The following DAB1 variants were observed in gnomAD, a reference collection of about 807,000 sequenced individuals.
The protein encoded by DAB1 is DAB adaptor protein 1, also known as disabled homolog 1.
A neutral mutation model predicts 64.6 loss-of-function variants in DAB1; 15 were observed. The observed-to-expected ratio is 0.23, with a 90% CI of 0.16 to 0.36. DAB1 has a LOEUF of 0.36. Among genes scored for constraint, DAB1 ranks in the 10% least tolerant of loss-of-function variants. The pLI is 1.00. For synonymous variants in DAB1, 235 were observed against 251.9 expected (o/e 0.93, Z 0.64); for missense variants, 596 against 706.7 (o/e 0.84, Z 1.78).
intron 3 of DAB1, among the ~76,000 whole-genome samples, chr1:58,432,860 T>C (rs1053653205): frequency 6.6e-6 from 1 of 152,336 alleles, no homozygotes; most frequent in South Asian, 2.1e-4. Flanking sequence ...CAGGGCTCCA[T>C]GGCTGGAGTT....
intron 1 of DAB1, among the ~76,000 whole-genome samples, chr1:57,398,473 G>T (rs1054179399): frequency 3.3e-5 from 5 of 152,138 alleles, no homozygotes; most frequent in African/African-American, 4.8e-5. Context: ...TGATGCCAGA[G>T]ACTTAATTGT....
At chr1:57,959,521 C>T (rs566884326) in intron 5 of DAB1, among the ~76,000 whole-genome samples, 1 of 152,318 alleles carries the variant, frequency 6.6e-6, no homozygotes, top group South Asian at 2.1e-4. Flanking sequence ...TAGATGAGAA[C>T]ATTGAGGCTT....
At chr1:57,382,871 CT>C (rs1394496901) in intron 1 of DAB1, among the ~76,000 whole-genome samples, 3 of 152,062 alleles carry the variant, frequency 2.0e-5, no homozygotes, top group African/African-American at 7.2e-5. Flanking sequence ...GGCATGACAT[CT>C]TTGGGGGCCA....
At chr1:57,879,935 A>G (rs906316717) in intron 1 of DAB1, among the ~76,000 whole-genome samples, 1 of 152,184 alleles carries the variant, frequency 6.6e-6, no homozygotes, top group African/African-American at 2.4e-5. Context: ...GAGTTTCCCA[A>G]CACAGTCATT....
At chr1:57,025,221 G>A (rs1250698227) in intron 10 of DAB1, among the ~76,000 whole-genome samples, 3 of 152,210 alleles carry the variant, frequency 2.0e-5, no homozygotes, top group Non-Finnish European at 4.4e-5. Context: ...TGCAGTGGTG[G>A]CAGAATTGCT....
chr1:57,169,311 C>G (rs1661506805), intron 2 of DAB1, among the ~76,000 whole-genome samples: 1 of 152,132 alleles, frequency 6.6e-6, no homozygotes, highest in African/African-American at 2.4e-5. Context: ...AGAACACTTG[C>G]AAGGGCCAGG....
chr1:58,388,979 G>C (rs1471156375), intron 3 of DAB1, among the ~76,000 whole-genome samples: 1 of 152,222 alleles, frequency 6.6e-6, no homozygotes, highest in Non-Finnish European at 1.5e-5. Context: ...GAATGAAAAA[G>C]ACATGGTGCA....
At chr1:58,040,494 G>A (rs1395651016) in intron 5 of DAB1, among the ~76,000 whole-genome samples, 1 of 152,080 alleles carries the variant, frequency 6.6e-6, no homozygotes, top group Non-Finnish European at 1.5e-5. Context: ...TCTCATCCTG[G>A]TGTTTTTTCT....
At chr1:57,072,123 A>G (rs1402769992) in intron 5 of DAB1, among the ~76,000 whole-genome samples, 160 bp downstream of exon 5, 1 of 151,926 alleles carries the variant, frequency 6.6e-6, no homozygotes, top group Non-Finnish European at 1.5e-5. Context: ...CCTTGCTCCA[A>G]GGCTGTTTAT....
intron 4 of DAB1, among the ~76,000 whole-genome samples, chr1:58,286,688 G>T: frequency 6.6e-6 from 1 of 152,218 alleles, no homozygotes. Context: ...GCATGGCTGT[G>T]AAGAAATAGG....
intron 4 of DAB1, among the ~76,000 whole-genome samples, chr1:57,079,614 GGCCTGCAGA>G (rs1652300027): frequency 6.6e-6 from 1 of 152,062 alleles, no homozygotes; most frequent in East Asian, 1.9e-4. Context: ...TACTTGCCAG[GGCCTGCAGA>G]GCCCCCTGTA....
At chr1:58,123,083 G>C (rs920720488) in intron 5 of DAB1, among the ~76,000 whole-genome samples, 6 of 152,260 alleles carry the variant, frequency 3.9e-5, no homozygotes, top group African/African-American at 1.4e-4. Context: ...TTCTGAAGGT[G>C]AATGAGATCC....
At chr1:57,439,181 A>G (rs11207036) in intron 7 of DAB1, among the ~76,000 whole-genome samples, 53,877 of 151,652 alleles carry the variant, frequency 0.36, 10,197 homozygotes, top group African/African-American at 0.49. Flanking sequence ...TGTAGCCCAG[A>G]AAGCAACAGC....
chr1:58,541,614 C>CAAAAAAAAAAAAAAAAA (rs60360589), intron 1 of DAB1: 6 of 65,632 alleles, frequency 9.1e-5, no homozygotes, highest in Non-Finnish European at 1.6e-4. Flanking sequence ...GAGAACCTGT[C>CAAAAAAAAAAAAAAAAA]AAAAAAAAAA....
Position 57,518,191 on chromosome 1 carries a change from A to G in DAB1, n.625+131401T>C, listed in dbSNP as rs184778165. On this transcript the variant is annotated intron_variant and non_coding_transcript_variant, in intron 7 of 20. Coordinates refer to the DAB1 transcript ENST00000485760. The stretch of plus-strand genomic sequence containing the variant: ...GCTAAACTTAATTGTCGTTGTCGTC[A>G]TCATCATCATCATCATCATCATCAC... Among the ~76,000 whole-genome samples the G allele has an allele frequency of 5.9e-3, 885 of 149,994 alleles. 3 individuals are homozygous for G. Among genetic ancestry groups the G allele is most frequent in the Non-Finnish European group, 9.3e-3 (626 of 67,068 alleles).
chr1:58,254,404 T>C (rs887350838), intron 4 of DAB1, among the ~76,000 whole-genome samples: 1 of 150,002 alleles, frequency 6.7e-6, no homozygotes, highest in Non-Finnish European at 1.5e-5. Flanking sequence ...TATTTTTTTT[T>C]TATTATACTT....
At chr1:57,584,964 C>T (rs938784894) in intron 7 of DAB1, among the ~76,000 whole-genome samples, 2 of 145,696 alleles carry the variant, frequency 1.4e-5, no homozygotes, top group African/African-American at 5.0e-5. Context: ...TTAAGACTCA[C>T]ACCTCGGCCA....
chr1:58,210,713 TCATGTG>T (rs1438465947), intron 4 of DAB1, among the ~76,000 whole-genome samples: 1 of 152,190 alleles, frequency 6.6e-6, no homozygotes, highest in Non-Finnish European at 1.5e-5. Context: ...TTAGCACCTA[TCATGTG>T]CCAGTACTTG....
In DAB1 at chr1:57,339,832, C is replaced by G. The variant is rs567149910; in HGVS notation, c.-136-48666G>C. Among the ~76,000 whole-genome samples the G allele has an allele frequency of 4.6e-5, 7 of 152,292 alleles. No individual in the cohort carries two copies. The South Asian group carries it at 1.4e-3, about 32-fold the overall frequency. On this transcript the variant is annotated intron_variant, in intron 1 of 14. Coordinates refer to ENST00000371236, the MANE Select transcript of DAB1 (RefSeq NM_001365792.1). ...AGTTATGACAAAATGACACTTAGTA[C>G]TGAAAACTTAAGCATCAACAAAAGG...
Sources: allele counts gnomAD v4.1 joint callset (sites outside exome capture counted in the v4.1 genomes callset), GRCh38; gene constraint gnomAD v4.1.1; transcripts MANE v1.5; gene names NCBI Gene and HGNC (gene_info 2026-07-23, HGNC 2026-07-21).